The following DMD variants were observed in gnomAD, a reference collection of about 807,000 sequenced individuals.
The protein encoded by DMD is mutant dystrophin.
DMD carries 63 observed loss-of-function variants against 330.1 expected under a neutral mutation model. That is an observed-to-expected ratio of 0.19 (90% CI 0.16 to 0.24). DMD has a LOEUF of 0.24. DMD is among the 10% of genes least tolerant of loss of function. DMD has a pLI of 1.00. For synonymous variants in DMD, 1,223 were observed against 959.8 expected, an observed-to-expected ratio of 1.27 and a Z score of -5.07; for missense variants, 3,344 against 2,684.1, an observed-to-expected ratio of 1.25 and a Z score of -5.43.
intron 28 of DMD, among the ~76,000 whole-genome samples, 161 bp from the exon 29 acceptor site, chrX:32,438,551 C>CA (rs1472433838): frequency 9.0e-6 from 1 of 111,623 alleles, no homozygotes; most frequent in South Asian, 3.7e-4. Context: ...ATTTTTGCTT[C>CA]AAAAAATAGG....
At chrX:31,977,090 G>A (rs189917142) in intron 44 of DMD, among the ~76,000 whole-genome samples, 1 of 111,773 alleles carries the variant, frequency 8.9e-6, no homozygotes, top group African/African-American at 3.2e-5. Context: ...AAAAGAAACA[G>A]ACAAGTTGAG....
At position 32,820,305 on chromosome X, in the gene DMD, G is replaced by C. The variant is rs1025019834; in HGVS notation, c.357+2990C>G. Among the ~76,000 whole-genome samples the C allele has an allele frequency of 5.4e-5, 6 of 111,117 alleles. No individual in the cohort carries two copies. In the East Asian group the frequency reaches 1.7e-3, roughly 32 times the overall value. ...AAAATACAAAAAATTAGCCGGGCGT[G>C]GTGGCGGGCGCCTGTAGTCCCAGCT... On this transcript the variant is annotated intron_variant, in intron 5 of 78. Coordinates refer to ENST00000357033, the MANE Select transcript of DMD (RefSeq NM_004006.3).
In DMD at chrX:32,310,344, T is replaced by G; in HGVS notation, c.5923-68A>C. On this transcript the variant is annotated intron_variant, in intron 41 of 78. Transcript: ENST00000357033. ...ACAGTGAAACCTCCTCCATTAAGTTTATATAGGTCTCATTCTACAGCTGAC... is the reference window on the plus strand; with the variant it reads ...ACAGTGAAACCTCCTCCATTAAGTTGATATAGGTCTCATTCTACAGCTGAC... 6 of 878,247 alleles carry G rather than the reference T, an allele frequency of 6.8e-6. No individual in the cohort carries two copies. The South Asian group carries it at 1.3e-4, about 19-fold the overall frequency. 72.4% of individuals were successfully genotyped at this position (878,247 alleles called of 1,213,427 possible). A position where few individuals can be genotyped will look rare whatever the true frequency, so the allele number is the denominator to read the frequency against.
At chrX:32,224,439 T>G (rs953804860) in intron 43 of DMD, among the ~76,000 whole-genome samples, 1 of 111,468 alleles carries the variant, frequency 9.0e-6, no homozygotes, top group Admixed American at 9.6e-5. Context: ...TCCATTTTAA[T>G]TTTTTAGGTA....
chrX:32,356,521 G>T (rs950343225), intron 37 of DMD, among the ~76,000 whole-genome samples: 1 of 110,012 alleles, frequency 9.1e-6, no homozygotes. Flanking sequence ...ACTGCTACAT[G>T]AATTTTAGCA....
intron 55 of DMD, among the ~76,000 whole-genome samples, chrX:31,537,250 G>T (rs1235638356): frequency 1.8e-5 from 2 of 111,245 alleles, no homozygotes. Flanking sequence ...CTCTTCCCTT[G>T]GATTCTGTGA....
intron 13 of DMD, among the ~76,000 whole-genome samples, chrX:32,587,125 G>C (rs1179861379): frequency 9.0e-6 from 1 of 111,538 alleles, no homozygotes; most frequent in Admixed American, 9.5e-5. Flanking sequence ...CCGAAGATAT[G>C]TACTATAAAA....
rs758340595 is a variant in DMD, at chrX:32,608,555, T to C, written c.1482+5748A>G. 3.6e-5 allele frequency among the ~76,000 whole-genome samples: 4 copies of C among 110,705 alleles called. 1 individual carries two copies. Among genetic ancestry groups the C allele is most frequent in the Non-Finnish European group, 7.6e-5 (4 of 52,339 alleles). On this transcript the variant is annotated intron_variant, in intron 12 of 78. Transcript: ENST00000357033. Reference sequence around the variant, plus strand: ...ATCACCAGGTAAGCCACTTTACAGATGTATTTTTCTACAGCTTTATGAATT... The same window carrying C: ...ATCACCAGGTAAGCCACTTTACAGACGTATTTTTCTACAGCTTTATGAATT...
At chrX:31,356,477 C>T (rs2058681178) in intron 60 of DMD, among the ~76,000 whole-genome samples, 1 of 111,295 alleles carries the variant, frequency 9.0e-6, no homozygotes, top group African/African-American at 3.3e-5. Context: ...GCTGTGCATG[C>T]TTGCAAGACA....
At chrX:32,351,181 A>G (rs2147095880) in intron 37 of DMD, among the ~76,000 whole-genome samples, 1 of 111,085 alleles carries the variant, frequency 9.0e-6, no homozygotes, top group African/African-American at 3.3e-5. Flanking sequence ...CAATATAAAT[A>G]CATGCTCTAT....
intron 59 of DMD, among the ~76,000 whole-genome samples, chrX:31,456,836 A>G (rs201407755): frequency 0.034 from 2,855 of 83,252 alleles, 76 homozygotes; most frequent in African/African-American, 0.091. Flanking sequence ...GCCCACATAT[A>G]TGTGTGTGTG....
At chrX:32,002,921 G>C (rs1652982603) in intron 44 of DMD, among the ~76,000 whole-genome samples, 1 of 111,095 alleles carries the variant, frequency 9.0e-6, no homozygotes, top group Admixed American at 9.6e-5. Context: ...AAGCCTTTCT[G>C]GTCCTATGGA....
intron 2 of DMD, among the ~76,000 whole-genome samples, chrX:33,010,131 T>A (rs1053844197): frequency 2.0e-5 from 2 of 99,253 alleles, no homozygotes; most frequent in African/African-American, 7.9e-5. Context: ...TGTGTATATA[T>A]GTATATATAC....
intron 18 of DMD, among the ~76,000 whole-genome samples, chrX:32,511,814 C>A (rs148416552): frequency 0.016 from 1,760 of 111,304 alleles, 31 homozygotes; most frequent in African/African-American, 0.055. Context: ...TCATAACATA[C>A]AGTTTTTAAA....
At chrX:32,386,500 GTAGAGT>G (rs1333673593) in intron 32 of DMD, 35 bp from the exon 33 acceptor site, 17 of 1,093,393 alleles carry the variant, frequency 1.6e-5, no homozygotes, top group Middle Eastern at 2.5e-4. Flanking sequence ...ATGATAATCA[GTAGAGT>G]TAAATTATTT....
At chrX:32,610,370 T>C (rs761656333) in intron 12 of DMD, among the ~76,000 whole-genome samples, 1 of 111,136 alleles carries the variant, frequency 9.0e-6, no homozygotes, top group African/African-American at 3.3e-5. Context: ...GTAACCACCA[T>C]ATAGGATCAA....
intron 55 of DMD, among the ~76,000 whole-genome samples, chrX:31,547,913 T>C (rs1362442837): frequency 8.9e-6 from 1 of 111,877 alleles, no homozygotes; most frequent in Non-Finnish European, 1.9e-5. Context: ...TTCCCATCTC[T>C]CCCTTTGGCC....
intron 26 of DMD, among the ~76,000 whole-genome samples, chrX:32,451,621 A>G (rs1200412966): frequency 1.9e-5 from 1 of 52,698 alleles, no homozygotes; most frequent in African/African-American, 1.2e-4. Flanking sequence ...AAAACACAGG[A>G]AAGAACATAA....
At chrX:32,061,347 G>T (rs778724539) in intron 44 of DMD, among the ~76,000 whole-genome samples, 1 of 110,744 alleles carries the variant, frequency 9.0e-6, no homozygotes, top group Non-Finnish European at 1.9e-5. Flanking sequence ...CTGCACACTG[G>T]GCTCGTATTC....
Sources: gnomAD v4.1 joint callset for allele counts (sites outside exome capture counted in the v4.1 genomes callset) on GRCh38, gnomAD v4.1.1 for gene constraint, MANE v1.5 for transcripts, NCBI Gene and HGNC (gene_info 2026-07-23, HGNC 2026-07-21) for gene names.